KLHL5: variants seen among roughly 807,000 people sequenced by gnomAD.
The protein encoded by KLHL5 is kelch-like protein 5.
KLHL5 carries 48 observed loss-of-function variants against 77.7 expected under a neutral mutation model. The observed-to-expected ratio is 0.62, with a 90% CI of 0.49 to 0.79. The LOEUF (loss-of-function observed/expected upper bound fraction) is 0.79. KLHL5 is among the 30% of genes least tolerant of loss of function. The pLI is 0.00. For synonymous variants in KLHL5, 260 were observed against 297.0 expected, an observed-to-expected ratio of 0.88 and a Z score of 1.28; for missense variants, 723 against 859.7, an observed-to-expected ratio of 0.84 and a Z score of 1.99.
intron 1 of KLHL5, among the ~76,000 whole-genome samples, chr4:39,070,824 A>G (rs1393652594): frequency 6.6e-6 from 1 of 151,892 alleles, no homozygotes; most frequent in African/African-American, 2.4e-5. Flanking sequence ...AGCTCTTATT[A>G]TTTCTCTTTA....
At chr4:39,077,027 C>T (rs764865008) in intron 2 of KLHL5, among the ~76,000 whole-genome samples, 14 of 150,258 alleles carry the variant, frequency 9.3e-5, no homozygotes, top group Non-Finnish European at 1.5e-4. Flanking sequence ...TCTGTACATC[C>T]GACAAAGGAC....
intron 2 of KLHL5, among the ~76,000 whole-genome samples, chr4:39,077,471 A>AT (rs1719171282): frequency 6.6e-6 from 1 of 152,066 alleles, no homozygotes; most frequent in Non-Finnish European, 1.5e-5. Context: ...CAAAAAAAAA[A>AT]GAAAACATGT....
chr4:39,136,501 T>C, the KLHL5 span, among the ~76,000 whole-genome samples: 3 of 152,078 alleles, frequency 2.0e-5, no homozygotes, highest in African/African-American at 4.8e-5. Flanking sequence ...AGGTAGTGTA[T>C]AGGAAGGATG....
At chr4:39,086,163 T>TA (rs958295522) in intron 4 of KLHL5, among the ~76,000 whole-genome samples, 12 of 152,228 alleles carry the variant, frequency 7.9e-5, no homozygotes, top group Admixed American at 2.6e-4. Flanking sequence ...CTTCTGGTGT[T>TA]AGAGTATCAT....
At chr4:39,129,305 T>A (rs908900175), downstream of KLHL5, among the ~76,000 whole-genome samples, 7 of 152,068 alleles carry the variant, frequency 4.6e-5, no homozygotes, top group Non-Finnish European at 5.9e-5. This position sits in a 1 kb window ranked among gnomAD's most constrained non-coding sequence, Gnocchi z 4.2. Context: ...CCTCCTGGGT[T>A]CAAGTGGTTC....
rs1264758667 is a variant in KLHL5 at position 39,122,710 on chromosome 4, G to A, written c.*1644G>A. 2.0e-5 allele frequency among the ~76,000 whole-genome samples: 3 copies of A among 152,088 alleles called. No homozygotes were observed. The highest frequency in any genetic ancestry group is 6.6e-5 in the Admixed American group (1 of 15,266). ...TGCCTGTACGCCCAGCTACTCGGGA[G>A]GCTGAGGCGGGAGAATGGCGTGAAC... On this transcript the variant is annotated 3_prime_UTR_variant, in exon 11 of 11. Transcript: ENST00000504108.
At chr4:39,057,276 T>C (rs911410177), upstream of KLHL5, among the ~76,000 whole-genome samples, 1 of 152,238 alleles carries the variant, frequency 6.6e-6, no homozygotes. Context: ...CCTGTCCTAA[T>C]TGATTTTTGT....
chr4:39,132,210 A>G, the KLHL5 span, among the ~76,000 whole-genome samples: 4 of 145,162 alleles, frequency 2.8e-5, no homozygotes, highest in African/African-American at 1.1e-4. Flanking sequence ...ATGTCCAGGA[A>G]GAGGTGACCA....
In KLHL5 at chr4:39,122,636, T is replaced by A. The variant is rs1179751990; in HGVS notation, c.*1570T>A. The stretch of plus-strand genomic sequence containing the variant: ...CTGGCTAACACAGTGAAACCCCGTC[T>A]CTACTAAAAATAAAAAATAAAAAAA... On this transcript the variant is annotated 3_prime_UTR_variant, in exon 11 of 11. Transcript: ENST00000504108. Among the ~76,000 whole-genome samples the A allele has an allele frequency of 6.6e-6, 1 of 151,820 alleles. No individual in the cohort carries two copies. Among genetic ancestry groups the A allele is most frequent in the East Asian group, 1.9e-4 (1 of 5,188 alleles).
rs1721768397 is a variant in KLHL5 at position 39,103,401 on chromosome 4, T to C, written c.1415T>C (p.Val472Ala). Residue 472 changes from valine to alanine, a missense_variant, in exon 7 of 11, where the codon GTG becomes GCG. Transcript: ENST00000504108. ...GCAGTGCTAGATGACAAACTGTATGTGGTTGGAGGAAGAGATGGACTGAAG... is the reference window on the plus strand; with the variant it reads ...GCAGTGCTAGATGACAAACTGTATGCGGTTGGAGGAAGAGATGGACTGAAG... ...GVAVLDDKLY[V>A]VGGRDGLKTL... The C allele has an allele frequency of 6.2e-7, 1 of 1,614,056 alleles. No homozygotes were observed. Among genetic ancestry groups the C allele is most frequent in the Non-Finnish European group, 8.5e-7 (1 of 1,180,006 alleles).
intron 1 of KLHL5, among the ~76,000 whole-genome samples, chr4:39,071,722 C>G (rs1338173991): frequency 6.6e-6 from 1 of 152,200 alleles, no homozygotes; most frequent in East Asian, 1.9e-4. Flanking sequence ...TGACTTGTTT[C>G]TATTTGATAC....
At chr4:39,100,915 A>T (rs372000016) in intron 6 of KLHL5, among the ~76,000 whole-genome samples, 124 of 152,128 alleles carry the variant, frequency 8.2e-4, no homozygotes, top group African/African-American at 2.5e-3. Flanking sequence ...TAGTCTGACC[A>T]TTGGACTCTT....
chr4:39,130,829 A>C (rs1433576810), downstream of KLHL5, among the ~76,000 whole-genome samples: 1 of 151,764 alleles, frequency 6.6e-6, no homozygotes, highest in Non-Finnish European at 1.5e-5. Flanking sequence ...CATAATTATG[A>C]GATTACAAAT....
At chr4:39,055,297 T>C (rs1290724195) in intron 1 of KLHL5, among the ~76,000 whole-genome samples, 1 of 152,250 alleles carries the variant, frequency 6.6e-6, no homozygotes, top group Non-Finnish European at 1.5e-5. Context: ...GACTTTCTCC[T>C]TGAAGAAAGC....
At position 39,103,322 on chromosome 4, in the gene KLHL5, AAT is replaced by A; in HGVS notation, c.1339_1340del (p.Met447ValfsTer21). The part of the protein sequence containing the change: ...TSIEKYDLRT[N>X]MWTPVANMNG... ...CATTGAAAAGTATGATCTCCGTACA[AAT>A]ATGTGGACTCCAGTAGCAAATATGA... On this transcript the variant is annotated frameshift_variant, in exon 7 of 11. Coordinates refer to ENST00000504108, the MANE Select transcript of KLHL5 (RefSeq NM_015990.5). LOFTEE classifies it high-confidence loss of function. The A allele has an allele frequency of 6.2e-7, 1 of 1,614,012 alleles. No homozygotes were observed. Among genetic ancestry groups the A allele is most frequent in the Non-Finnish European group, 8.5e-7 (1 of 1,179,974 alleles).
At chr4:39,097,061 A>G (rs1372954206) in intron 6 of KLHL5, among the ~76,000 whole-genome samples, 183 bp downstream of exon 6, 1 of 152,218 alleles carries the variant, frequency 6.6e-6, no homozygotes, top group East Asian at 1.9e-4. Context: ...AGAATGATGG[A>G]GATAGGTCAA....
the KLHL5 span, among the ~76,000 whole-genome samples, chr4:39,139,410 A>G: frequency 6.6e-6 from 1 of 152,196 alleles, no homozygotes; most frequent in Admixed American, 6.5e-5. Flanking sequence ...ATGAGCAGAC[A>G]GAGCACAGGG....
intron 1 of KLHL5, among the ~76,000 whole-genome samples, chr4:39,066,849 T>C (rs1313137659): frequency 1.3e-5 from 2 of 152,190 alleles, no homozygotes; most frequent in Non-Finnish European, 2.9e-5. Flanking sequence ...ATGAGTCAAG[T>C]GAGACACAGA....
intron 5 of KLHL5, chr4:39,092,998 C>T: frequency 2.3e-6 from 1 of 435,102 alleles, no homozygotes; most frequent in South Asian, 1.6e-5. Context: ...CAGTTCTACT[C>T]CTAGGTAATA....
Sources: gnomAD v4.1 joint callset for allele counts (sites outside exome capture counted in the v4.1 genomes callset) on GRCh38, gnomAD v4.1.1 for gene constraint, Gnocchi (gnomAD v3.1) non-coding constraint, MANE v1.5 for transcripts, NCBI Gene and HGNC (gene_info 2026-07-23, HGNC 2026-07-21) for gene names.